The following RBFOX1 variants were observed in gnomAD, a reference collection of about 807,000 sequenced individuals.
RBFOX1 encodes the protein RNA binding fox-1 homolog 1, also known as RNA binding protein fox-1 homolog 1.
Under a neutral mutation model 57.7 loss-of-function variants are expected in RBFOX1, and 8 were observed. That is an observed-to-expected ratio of 0.14 (90% CI 0.08 to 0.25). The LOEUF (loss-of-function observed/expected upper bound fraction) is 0.25, where lower values mean the gene tolerates loss of function less well. Ranked by LOEUF, RBFOX1 falls within the 10% of genes least tolerant of loss-of-function variation. RBFOX1 has a pLI of 1.00. For missense variants in RBFOX1, 611 were observed against 548.5 expected, an observed-to-expected ratio of 1.11 and a Z score of -1.14; for synonymous variants, 326 against 222.4, an observed-to-expected ratio of 1.47 and a Z score of -4.15.
intron 4 of RBFOX1, among the ~76,000 whole-genome samples, chr16:7,395,479 C>A (rs528057716): frequency 6.6e-6 from 1 of 152,194 alleles, no homozygotes; most frequent in African/African-American, 2.4e-5. Context: ...GCAGTAAGAA[C>A]ATTTTGGGCA....
chr16:6,869,665 C>T (rs1000059485), intron 3 of RBFOX1, among the ~76,000 whole-genome samples: 1 of 152,118 alleles, frequency 6.6e-6, no homozygotes, highest in Non-Finnish European at 1.5e-5. Flanking sequence ...GATTTTTACC[C>T]TTCTCAAAAC....
chr16:5,601,004 A>G (rs2047347513), downstream of RBFOX1, among the ~76,000 whole-genome samples: 1 of 152,234 alleles, frequency 6.6e-6, no homozygotes, highest in African/African-American at 2.4e-5. Flanking sequence ...TCAGTGGAGT[A>G]CCAGGAGTCT....
chr16:6,717,201 G>C (rs1426034171), intron 3 of RBFOX1, among the ~76,000 whole-genome samples: 3 of 152,000 alleles, frequency 2.0e-5, no homozygotes, highest in African/African-American at 7.3e-5. Flanking sequence ...CGACTAAAAT[G>C]GTGGGGAAAG....
intron 4 of RBFOX1, among the ~76,000 whole-genome samples, chr16:7,374,312 A>G (rs17143524): frequency 0.016 from 2,412 of 152,258 alleles, 57 homozygotes; most frequent in African/African-American, 0.054. Flanking sequence ...TGTCCTTCTT[A>G]AGGTGTTTGG....
rs536966282 is a variant in RBFOX1, at chr16:6,575,626, G to T, written c.-63-78977G>T. ...TAATCCCAGCACTTTGGGAGGCCAC[G>T]GTGGGCAGATCACCTGAGGTCAGGA... On this transcript the variant is annotated intron_variant, in intron 2 of 15. Transcript: ENST00000550418. 6.6e-5 allele frequency among the ~76,000 whole-genome samples: 10 copies of T among 152,184 alleles called. No homozygotes were observed. In the East Asian group the frequency reaches 1.2e-3, roughly 18 times the overall value.
chr16:7,095,482 G>A (rs2061542931), intron 4 of RBFOX1, among the ~76,000 whole-genome samples: 1 of 152,160 alleles, frequency 6.6e-6, no homozygotes, highest in Admixed American at 6.5e-5. Flanking sequence ...ATGAAAACAT[G>A]CTTAATTTTT....
chr16:5,801,574 G>A (rs1346759470), intron 3 of RBFOX1, among the ~76,000 whole-genome samples: 1 of 152,100 alleles, frequency 6.6e-6, no homozygotes, highest in Non-Finnish European at 1.5e-5. Flanking sequence ...GATGAGTGGG[G>A]TTTGGTTACT....
intron 3 of RBFOX1, among the ~76,000 whole-genome samples, chr16:5,707,645 T>G (rs908048185): frequency 3.9e-5 from 6 of 152,204 alleles, no homozygotes; most frequent in Non-Finnish European, 7.3e-5. Flanking sequence ...CACGTGTGGC[T>G]ATGAGGTTTG....
At chr16:6,595,605 CTA>C (rs1162151879) in intron 2 of RBFOX1, among the ~76,000 whole-genome samples, 1 of 152,096 alleles carries the variant, frequency 6.6e-6, no homozygotes, top group Non-Finnish European at 1.5e-5. Context: ...CATATGGACT[CTA>C]TTTTTAACAT....
intron 1 of RBFOX1, among the ~76,000 whole-genome samples, chr16:5,244,474 C>G (rs906795902): frequency 6.6e-6 from 1 of 152,232 alleles, no homozygotes; most frequent in Non-Finnish European, 1.5e-5. Context: ...CACTCCCATA[C>G]TGGGGACTTG....
chr16:7,055,315 G>T (rs1656488774), intron 4 of RBFOX1, among the ~76,000 whole-genome samples: 1 of 152,130 alleles, frequency 6.6e-6, no homozygotes, highest in Non-Finnish European at 1.5e-5. Flanking sequence ...GCTATTATCT[G>T]TGAGTTATAG....
At chr16:6,955,641 A>G (rs553958562) in intron 3 of RBFOX1, among the ~76,000 whole-genome samples, 1 of 151,918 alleles carries the variant, frequency 6.6e-6, no homozygotes, top group Non-Finnish European at 1.5e-5. Flanking sequence ...AATTAATAGT[A>G]TTTTTCATCT....
At chr16:6,379,571 G>A (rs2091574899) in intron 2 of RBFOX1, among the ~76,000 whole-genome samples, 1 of 151,722 alleles carries the variant, frequency 6.6e-6, no homozygotes, top group African/African-American at 2.4e-5. Context: ...GTAGTGTTGG[G>A]TAATGTATGC....
intron 4 of RBFOX1, among the ~76,000 whole-genome samples, chr16:7,228,445 C>T (rs1423058951): frequency 6.6e-6 from 1 of 152,112 alleles, no homozygotes; most frequent in Non-Finnish European, 1.5e-5. Context: ...ATCAGAGTAC[C>T]TACTATGTGG....
intron 1 of RBFOX1, among the ~76,000 whole-genome samples, chr16:5,311,394 C>T (rs963531146): frequency 3.9e-5 from 6 of 152,138 alleles, no homozygotes; most frequent in African/African-American, 1.4e-4. Flanking sequence ...GCTATCATGA[C>T]TTCTCTTTTG....
chr16:7,106,908 G>A (rs933415961), intron 4 of RBFOX1, among the ~76,000 whole-genome samples: 1 of 151,902 alleles, frequency 6.6e-6, no homozygotes, highest in Admixed American at 6.6e-5. Flanking sequence ...TCTTGGCAGT[G>A]GGCATGCAAC....
At chr16:5,455,842 A>G (rs1393904873) in intron 1 of RBFOX1, among the ~76,000 whole-genome samples, 2 of 152,190 alleles carry the variant, frequency 1.3e-5, no homozygotes, top group African/African-American at 4.8e-5. Flanking sequence ...AATTCTTGAA[A>G]TAAAGGTGAT....
chr16:6,909,242 T>G (rs1337259469), intron 3 of RBFOX1, among the ~76,000 whole-genome samples: 1 of 152,194 alleles, frequency 6.6e-6, no homozygotes, highest in East Asian at 1.9e-4. Flanking sequence ...ACATGGCTCA[T>G]GGCCCTTTTC....
intron 4 of RBFOX1, among the ~76,000 whole-genome samples, chr16:7,274,413 C>G (rs998560695): frequency 1.3e-5 from 2 of 152,140 alleles, no homozygotes; most frequent in African/African-American, 4.8e-5. Context: ...GCACACCCCT[C>G]TCACACACAC....
Sources: allele counts gnomAD v4.1 joint callset (sites outside exome capture counted in the v4.1 genomes callset), GRCh38; gene constraint gnomAD v4.1.1; transcripts MANE v1.5; gene names NCBI Gene and HGNC (gene_info 2026-07-23, HGNC 2026-07-21).